The following PIGV variants were observed in gnomAD, a reference collection of about 807,000 sequenced individuals.
The protein encoded by PIGV is GPI alpha-1,6-mannosyltransferase 2.
In PIGV, 27 loss-of-function variants were observed where a neutral mutation model predicts 39.2. The observed-to-expected ratio is 0.69, with a 90% confidence interval of 0.51 to 0.95. The LOEUF (loss-of-function observed/expected upper bound fraction) is 0.95. PIGV is among the 40% of genes least tolerant of loss of function. The probability of loss-of-function intolerance (pLI) is 0.00; values close to 1 mark genes in which losing one functional copy is unlikely to be tolerated. For synonymous variants in PIGV, 232 were observed against 241.7 expected (o/e 0.96, Z 0.37); for missense variants, 523 against 586.4 (o/e 0.89, Z 1.12).
At chr1:26,793,286 A>G (rs867388157) in intron 2 of PIGV, among the ~76,000 whole-genome samples, 6 of 152,276 alleles carry the variant, frequency 3.9e-5, no homozygotes, top group Middle Eastern at 3.4e-3. Flanking sequence ...AAAACTCCTC[A>G]AAGTTTCTTT....
chr1:26,799,001 G>A lies in PIGV; in HGVS notation c.*1157G>A, dbSNP rs1292037315. On this transcript the variant is annotated 3_prime_UTR_variant, in exon 4 of 4. Transcript: ENST00000674202. ...GTCCCTTTCTGCTCTAACATCTTAA[G>A]AACTGCCTTAAACAACAGAATCACC... Among the ~76,000 whole-genome samples, 1 of 152,148 alleles carries A rather than the reference G, an allele frequency of 6.6e-6. No homozygotes were observed. Among genetic ancestry groups the A allele is most frequent in the Non-Finnish European group, 1.5e-5 (1 of 68,026 alleles).
chr1:26,794,752 T>G lies in PIGV; in HGVS notation c.718T>G (p.Ser240Ala), dbSNP rs759516134. The change falls in exon 3 of 4, where the codon TCT (serine) becomes GCT (alanine). Residue 240 changes from serine to alanine, a missense_variant. Physicochemically the swap from Ser to Ala is moderately conservative, Grantham distance 99. Coordinates refer to ENST00000674202, the MANE Select transcript of PIGV (RefSeq NM_017837.4). ...GAGACAGCTCTTTAAGCTGATGGCC[T>G]CTCTGTTTCTGTCGGTGTTCACACT... ...PLRQLFKLMA[S>A]LFLSVFTLGL... 1 of 1,614,072 alleles carries G rather than the reference T, an allele frequency of 6.2e-7. No homozygotes were observed. Among genetic ancestry groups the G allele is most frequent in the African/African-American group, 1.3e-5 (1 of 74,922 alleles).
chr1:26,795,325 A>C, intron 3 of PIGV, 91 bp downstream of exon 3: 1 of 1,410,082 alleles, frequency 7.1e-7, no homozygotes, highest in Admixed American at 1.7e-5. Context: ...CTCCCGTTTG[A>C]GTGATCCATA....
At chr1:26,791,103 A>G (rs1192333132) in intron 2 of PIGV, among the ~76,000 whole-genome samples, 1 of 152,198 alleles carries the variant, frequency 6.6e-6, no homozygotes, top group Non-Finnish European at 1.5e-5. Context: ...GCAGAGGCCC[A>G]GAAAGGTTAA....
chr1:26,791,174 C>A (rs2081303716), intron 2 of PIGV, among the ~76,000 whole-genome samples: 1 of 152,202 alleles, frequency 6.6e-6, no homozygotes, highest in African/African-American at 2.4e-5. Flanking sequence ...CCCATGTTTC[C>A]TAACTCCTGA....
rs1189885838 is a variant in PIGV, at chr1:26,788,217, G to T, written c.-109G>T. On this transcript the variant is annotated 5_prime_UTR_variant, in exon 1 of 4. Transcript: ENST00000674202. ...TCTGCTTCCGGCCCTGTGGCCTGGT[G>T]GGGCTCTGCAGGCTCCCTCGGGAGT... The T allele has an allele frequency of 6.6e-6, 1 of 152,540 alleles. No individual in the cohort carries two copies. Among genetic ancestry groups the T allele is most frequent in the Non-Finnish European group, 1.5e-5 (1 of 68,282 alleles). 9.4% of individuals were successfully genotyped at this position (152,540 alleles called of 1,614,324 possible).
chr1:26,795,378 GC>G, intron 3 of PIGV, 144 bp downstream of exon 3: 1 of 1,093,412 alleles, frequency 9.1e-7, no homozygotes, highest in Non-Finnish European at 1.3e-6. Context: ...TATTCTTTAT[GC>G]CAGACTCTGG....
chr1:26,790,760 G>C lies in PIGV; in HGVS notation c.-56G>C, dbSNP rs1485389111. The C allele has an allele frequency of 7.1e-7, 1 of 1,408,754 alleles. No individual in the cohort carries two copies. Among genetic ancestry groups the C allele is most frequent in the Non-Finnish European group, 1.0e-6 (1 of 992,754 alleles). The allele number at this position is 1,408,754 out of a possible 1,614,324, so 87.3% of individuals were successfully genotyped here. A position where few individuals can be genotyped will look rare whatever the true frequency, so the allele number is the denominator to read the frequency against. On this transcript the variant is annotated splice_region_variant and 5_prime_UTR_variant, in exon 2 of 4. Coordinates refer to ENST00000674202, the MANE Select transcript of PIGV (RefSeq NM_017837.4). ...ACATTTTCCTCCTTTGGGGTTTAGAGGCCTGAGGGAGCTCAATCCTGGTAG... is the reference window on the plus strand; with the variant it reads ...ACATTTTCCTCCTTTGGGGTTTAGACGCCTGAGGGAGCTCAATCCTGGTAG...
At chr1:26,790,206 C>G (rs1490598842) in intron 1 of PIGV, among the ~76,000 whole-genome samples, 1 of 152,140 alleles carries the variant, frequency 6.6e-6, no homozygotes, top group Admixed American at 6.6e-5. Flanking sequence ...TCATTATGGT[C>G]TTCTAGTATG....
intron 1 of PIGV, chr1:26,789,086 A>C (rs2081277931): frequency 6.6e-6 from 1 of 152,240 alleles, no homozygotes. Flanking sequence ...GTGGGAAGCC[A>C]AGGAAGAGGA....
At chr1:26,793,092 G>C (rs1354069802) in intron 2 of PIGV, among the ~76,000 whole-genome samples, 1 of 152,066 alleles carries the variant, frequency 6.6e-6, no homozygotes, top group Non-Finnish European at 1.5e-5. Context: ...CTTCTCTAAG[G>C]CTGGCTCCTC....
At chr1:26,791,321 T>C (rs1406666643) in intron 2 of PIGV, among the ~76,000 whole-genome samples, 3 of 152,152 alleles carry the variant, frequency 2.0e-5, no homozygotes, top group Non-Finnish European at 4.4e-5. Context: ...AACGTGGCAA[T>C]GTGCAAGTCC....
At chr1:26,789,035 G>C (rs987488959) in intron 1 of PIGV, 1 of 152,300 alleles carries the variant, frequency 6.6e-6, no homozygotes, top group Non-Finnish European at 1.5e-5. Context: ...GCAGAGGTGG[G>C]TTAGGTGCTT....
rs1196564368 is a variant in PIGV, at chr1:26,797,819, A to G, written c.1457A>G (p.His486Arg). The change falls in exon 4 of 4, where the codon CAT becomes CGT. Residue 486 changes from histidine (H) to arginine (R), a missense_variant. By Grantham distance (29) the His-to-Arg change is conservative. Coordinates refer to ENST00000674202, the MANE Select transcript of PIGV (RefSeq NM_017837.4). ...LTYWLLGLLL[H>R]CNFLPWT ...TACTGGCTCCTGGGACTACTCCTAC[A>G]TTGCAACTTCCTGCCTTGGACATGA... The G allele has an allele frequency of 6.2e-7, 1 of 1,614,104 alleles. No individual in the cohort carries two copies. Among genetic ancestry groups the G allele is most frequent in the Non-Finnish European group, 8.5e-7 (1 of 1,180,024 alleles).
Position 26,798,107 on chromosome 1 carries a change from C to T in PIGV, c.*263C>T. 2.0e-6 allele frequency: 1 copy of T among 494,270 alleles called. No homozygotes were observed. The allele number at this position is 494,270 out of a possible 1,614,324, so 30.6% of individuals were successfully genotyped here. A position where few individuals can be genotyped will look rare whatever the true frequency, so the allele number is the denominator to read the frequency against. On this transcript the variant is annotated 3_prime_UTR_variant, in exon 4 of 4. Transcript: ENST00000674202. ...TTCCAAGTCTAAAATACACCTGGAT[C>T]TGTCTAGTCAATCAACATAGCAGAG... is the stretch of plus-strand genomic sequence containing the variant.
rs1310524839 is a variant in PIGV, at chr1:26,794,908, G to A, written c.874G>A (p.Glu292Lys). The A allele has an allele frequency of 2.5e-6, 4 of 1,614,074 alleles. No homozygotes were observed. The highest frequency in any genetic ancestry group is 2.7e-5 in the African/African-American group (2 of 74,918). ...DKGYRIAEGN[E>K]PPWCFWDVPL... ...GGGCTACCGGATTGCAGAGGGAAAT[G>A]AACCGCCTTGGTGCTTCTGGGATGT... The change falls in exon 3 of 4, where the codon GAA (glutamate) becomes AAA (lysine). Residue 292 changes from glutamate to lysine, a missense_variant. Coordinates refer to ENST00000674202, the MANE Select transcript of PIGV (RefSeq NM_017837.4).
intron 2 of PIGV, among the ~76,000 whole-genome samples, chr1:26,791,994 C>T (rs890041433): frequency 6.6e-6 from 1 of 152,160 alleles, no homozygotes; most frequent in Non-Finnish European, 1.5e-5. Context: ...GGCTCTAATT[C>T]GGGTGGTAAT....
chr1:26,791,395 C>T (rs1007697839), intron 2 of PIGV, among the ~76,000 whole-genome samples: 12 of 152,188 alleles, frequency 7.9e-5, no homozygotes. Context: ...TCCTGCCTCA[C>T]CCACACACAA....
chr1:26,794,626 T>A lies in PIGV; in HGVS notation c.592T>A (p.Phe198Ile). 6.2e-7 allele frequency: 1 copy of A among 1,614,246 alleles called. No individual in the cohort carries two copies. Among genetic ancestry groups the A allele is most frequent in the South Asian group, 1.1e-5 (1 of 91,086 alleles). Reference protein sequence around the residue: ...RVWTSVLLFAFATGVRSNGLV... With the variant: ...RVWTSVLLFAIATGVRSNGLV... Reference sequence around the variant, plus strand: ...CTGGACTAGTGTACTCCTCTTTGCCTTTGCCACTGGGGTACGCTCCAACGG... The same window carrying A: ...CTGGACTAGTGTACTCCTCTTTGCCATTGCCACTGGGGTACGCTCCAACGG... Residue 198 changes from phenylalanine (F) to isoleucine (I), a missense_variant, in exon 3 of 4, where the codon TTT (phenylalanine) becomes ATT (isoleucine). Transcript: ENST00000674202.
Sources: gnomAD v4.1 joint callset for allele counts (sites outside exome capture counted in the v4.1 genomes callset) on GRCh38, gnomAD v4.1.1 for gene constraint, MANE v1.5 for transcripts, NCBI Gene and HGNC (gene_info 2026-07-23, HGNC 2026-07-21) for gene names.